SMOC2: variants seen among roughly 807,000 people sequenced by gnomAD.
SMOC2 encodes the protein SPARC related modular calcium binding 2.
A neutral mutation model predicts 61.4 loss-of-function variants in SMOC2; 39 were observed. That is an observed-to-expected ratio of 0.64 (90% CI 0.49 to 0.83). The LOEUF (loss-of-function observed/expected upper bound fraction) is 0.83. Ranked by LOEUF, SMOC2 falls within the 40% of genes least tolerant of loss-of-function variation. The pLI is 0.00. For missense variants in SMOC2, 556 were observed against 592.9 expected (o/e 0.94, Z 0.65); for synonymous variants, 247 against 239.9 (o/e 1.03, Z -0.27).
intron 9 of SMOC2, among the ~76,000 whole-genome samples, chr6:168,614,982 C>T (rs1583162157): frequency 2.0e-5 from 1 of 50,182 alleles, no homozygotes; most frequent in Non-Finnish European, 4.2e-5. Context: ...AGGGCCTCTT[C>T]ACACCTACAG....
chr6:168,477,185 C>T (rs1412985891), intron 1 of SMOC2, among the ~76,000 whole-genome samples: 1 of 152,182 alleles, frequency 6.6e-6, no homozygotes, highest in Non-Finnish European at 1.5e-5. Context: ...ACAGCCTTTC[C>T]TGTGGACACT....
At chr6:168,626,138 C>T (rs896150533) in intron 9 of SMOC2, among the ~76,000 whole-genome samples, 3 of 152,230 alleles carry the variant, frequency 2.0e-5, no homozygotes, top group Admixed American at 2.0e-4. Flanking sequence ...AAGTTCCTTA[C>T]ACTGCTTAGG....
intron 1 of SMOC2, among the ~76,000 whole-genome samples, chr6:168,443,584 T>C (rs577504758): frequency 6.6e-6 from 1 of 152,236 alleles, no homozygotes; most frequent in Admixed American, 6.5e-5. Context: ...GTCTAGAAAA[T>C]CAAGAAGTAG....
At chr6:168,498,086 A>G (rs904922766) in intron 1 of SMOC2, among the ~76,000 whole-genome samples, 13 of 152,156 alleles carry the variant, frequency 8.5e-5, no homozygotes, top group African/African-American at 3.1e-4. Flanking sequence ...TGCCTCTCGG[A>G]CATATTGTTT....
At chr6:168,498,940 C>T (rs545344272) in intron 1 of SMOC2, among the ~76,000 whole-genome samples, 3 of 142,448 alleles carry the variant, frequency 2.1e-5, no homozygotes, top group African/African-American at 8.0e-5. Flanking sequence ...CCTGGGTCCT[C>T]CCAGCCCTAC....
At chr6:168,601,495 G>T (rs991595925) in intron 8 of SMOC2, among the ~76,000 whole-genome samples, 3 of 152,242 alleles carry the variant, frequency 2.0e-5, no homozygotes, top group East Asian at 1.9e-4. Flanking sequence ...TTTGGTATGA[G>T]AATTATTATT....
intron 1 of SMOC2, among the ~76,000 whole-genome samples, chr6:168,469,336 C>T (rs750282401): frequency 3.3e-5 from 5 of 152,306 alleles, no homozygotes; most frequent in Middle Eastern, 6.8e-3. Context: ...AACTTCCTAA[C>T]GGAGCAGTGC....
At position 168,518,951 on chromosome 6, in the gene SMOC2, TAG is replaced by T. The variant is rs1409656626; in HGVS notation, c.257-7394_257-7393del. On this transcript the variant is annotated intron_variant, in intron 2 of 12. Transcript: ENST00000356284. ...TGCGTGCATATGCTTGCATGTGTGTTAGTGTGTATCCGTGCACGCGTGTGTAT... is the reference window on the plus strand; with the variant it reads ...TGCGTGCATATGCTTGCATGTGTGTTTGTGTATCCGTGCACGCGTGTGTAT... Among the ~76,000 whole-genome samples the T allele has an allele frequency of 5.8e-5, 8 of 137,516 alleles. No homozygotes were observed. The South Asian group carries it at 1.7e-3, about 29-fold the overall frequency. The allele number at this position is 137,516 out of a possible 152,430, so 90.2% of individuals were successfully genotyped here.
At chr6:168,647,912 C>T (rs1223749042) in intron 9 of SMOC2, among the ~76,000 whole-genome samples, 1 of 152,156 alleles carries the variant, frequency 6.6e-6, no homozygotes, top group Non-Finnish European at 1.5e-5. Flanking sequence ...TTTAGAAGTA[C>T]ATAATGCTTT....
chr6:168,476,466 CTG>C lies in SMOC2; in HGVS notation c.85-33435_85-33434del, dbSNP rs1191864533. On this transcript the variant is annotated intron_variant, in intron 1 of 12. Coordinates refer to ENST00000356284, the MANE Select transcript of SMOC2 (RefSeq NM_001166412.2). ...ACTGAGCAGTTGGCAATCTTTTATCCTGTGTGTGTGTGTGTATGTGTGTGTGT... is the reference window on the plus strand; with the variant it reads ...ACTGAGCAGTTGGCAATCTTTTATCCTGTGTGTGTGTGTATGTGTGTGTGT... 5.7e-5 allele frequency among the ~76,000 whole-genome samples: 8 copies of C among 139,724 alleles called. No homozygotes were observed. In the South Asian group the frequency reaches 6.8e-4, roughly 12 times the overall value. 91.7% of individuals were successfully genotyped at this position (139,724 alleles called of 152,430 possible). A position where few individuals can be genotyped will look rare whatever the true frequency, so the allele number is the denominator to read the frequency against.
intron 8 of SMOC2, among the ~76,000 whole-genome samples, chr6:168,603,417 G>T (rs113266660): frequency 6.6e-6 from 1 of 151,980 alleles, no homozygotes; most frequent in Admixed American, 6.6e-5. Flanking sequence ...CATCTGTCAC[G>T]TCTCAGCTCC....
Position 168,453,729 on chromosome 6 carries a change from C to G in SMOC2, c.84+12275C>G, listed in dbSNP as rs1445462582. 6.6e-6 allele frequency among the ~76,000 whole-genome samples: 1 copy of G among 151,824 alleles called. No homozygotes were observed. Among genetic ancestry groups the G allele is most frequent in the Non-Finnish European group, 1.5e-5 (1 of 67,966 alleles). ...ATCTCTGCCATTCTACATACTACATCTCTGTCTATCTCTGTCTCTCTGTCT... is the reference window on the plus strand; with the variant it reads ...ATCTCTGCCATTCTACATACTACATGTCTGTCTATCTCTGTCTCTCTGTCT... On this transcript the variant is annotated intron_variant, in intron 1 of 12. Transcript: ENST00000356284. This position sits in a 1 kb window ranked among gnomAD's most constrained non-coding sequence, Gnocchi z 4.4.
intron 11 of SMOC2, among the ~76,000 whole-genome samples, chr6:168,658,316 AACC>A (rs919639578): frequency 6.6e-6 from 1 of 152,212 alleles, no homozygotes; most frequent in Non-Finnish European, 1.5e-5. Context: ...CTGTTACGGA[AACC>A]AGTCTCTGCA....
chr6:168,661,270 C>T (rs9355075), intron 11 of SMOC2, among the ~76,000 whole-genome samples: 143,770 of 152,274 alleles, frequency 0.94, 68,130 homozygotes, highest in African/African-American at 0.99. Flanking sequence ...TTTTTTTGTT[C>T]CCTATATTTT....
intron 7 of SMOC2, among the ~76,000 whole-genome samples, chr6:168,551,203 C>T (rs1047486117): frequency 5.9e-5 from 9 of 152,134 alleles, no homozygotes; most frequent in African/African-American, 2.4e-5. Context: ...TCACCTTCTG[C>T]CATGATGGTA....
rs538351402 is a variant in SMOC2, at chr6:168,618,151, G to A, written c.907+9912G>A. On this transcript the variant is annotated intron_variant, in intron 9 of 12. Coordinates refer to ENST00000356284, the MANE Select transcript of SMOC2 (RefSeq NM_001166412.2). Reference sequence around the variant, plus strand: ...GGCCCAGTGCTCCAACAGGACCCTCGGTTTATTGCTGTGCTATCACCACGA... The same window carrying A: ...GGCCCAGTGCTCCAACAGGACCCTCAGTTTATTGCTGTGCTATCACCACGA... 1.6e-4 allele frequency among the ~76,000 whole-genome samples: 24 copies of A among 152,358 alleles called. No individual in the cohort carries two copies. In the South Asian group the frequency reaches 4.4e-3, roughly 28 times the overall value.
chr6:168,556,956 A>G (rs892304187), intron 7 of SMOC2, among the ~76,000 whole-genome samples: 5 of 151,652 alleles, frequency 3.3e-5, no homozygotes, highest in Non-Finnish European at 5.9e-5. Flanking sequence ...AGAGTCCTTG[A>G]TGTTCAGGAC....
chr6:168,441,778 C>T (rs1219901199), intron 1 of SMOC2, among the ~76,000 whole-genome samples: 1 of 152,198 alleles, frequency 6.6e-6, no homozygotes, highest in East Asian at 1.9e-4. Flanking sequence ...TCCTGGGGTC[C>T]TGCAGACCCC....
intron 9 of SMOC2, among the ~76,000 whole-genome samples, chr6:168,649,465 G>A (rs989131401): frequency 2.0e-5 from 3 of 152,178 alleles, no homozygotes; most frequent in East Asian, 1.9e-4. Context: ...CAGTGGGGAC[G>A]CTGTCCCTCC....
Sources: gnomAD v4.1 joint callset for allele counts (sites outside exome capture counted in the v4.1 genomes callset) on GRCh38, gnomAD v4.1.1 for gene constraint, Gnocchi (gnomAD v3.1) non-coding constraint, MANE v1.5 for transcripts, NCBI Gene and HGNC (gene_info 2026-07-23, HGNC 2026-07-21) for gene names.